Variants in RSPO4 observed in about 807,000 individuals in gnomAD.
RSPO4 encodes R-spondin 4.
A neutral mutation model predicts 24.8 loss-of-function variants in RSPO4; 23 were observed. The ratio of observed to expected loss-of-function variants is 0.93; its 90% confidence interval spans 0.67 to 1.31. RSPO4 has a LOEUF of 1.31. Among genes scored for constraint, RSPO4 ranks in the 40% most tolerant of loss-of-function variants. The probability of loss-of-function intolerance (pLI) is 0.00; values close to 1 mark genes in which losing one functional copy is unlikely to be tolerated. For missense variants in RSPO4, 333 were observed against 316.5 expected, an observed-to-expected ratio of 1.05 and a Z score of -0.39; for synonymous variants, 141 against 127.4, an observed-to-expected ratio of 1.11 and a Z score of -0.72.
At chr20:978,841 G>C (rs968130352) in intron 1 of RSPO4, among the ~76,000 whole-genome samples, 1 of 152,090 alleles carries the variant, frequency 6.6e-6, no homozygotes, top group African/African-American at 2.4e-5. Flanking sequence ...GTACTCATTT[G>C]GTAGAAAGGG....
In RSPO4 at chr20:982,815, G is replaced by A. The variant is rs7267846; in HGVS notation, c.80-14677C>T. Among the ~76,000 whole-genome samples, 866 of 152,332 alleles carry A rather than the reference G, an allele frequency of 5.7e-3. 10 individuals carry two copies. The highest frequency in any genetic ancestry group is 0.02 in the African/African-American group (833 of 41,568). ...CTGCTAATTCCCTCTCCCTCTTGTC[G>A]GGGGTTTATGATTCCTCAGGGCTCT... On this transcript the variant is annotated intron_variant, in intron 1 of 4. Coordinates refer to ENST00000217260, the MANE Select transcript of RSPO4 (RefSeq NM_001029871.4).
At chr20:990,715 T>C (rs975532453) in intron 1 of RSPO4, among the ~76,000 whole-genome samples, 32 of 152,172 alleles carry the variant, frequency 2.1e-4, no homozygotes, top group African/African-American at 7.5e-4. Flanking sequence ...ATTCTCCTTG[T>C]GGGGGATTTT....
intron 1 of RSPO4, among the ~76,000 whole-genome samples, chr20:994,995 T>C (rs937166066): frequency 1.3e-5 from 2 of 152,208 alleles, no homozygotes; most frequent in Non-Finnish European, 2.9e-5. Context: ...GCAGGCTGCC[T>C]TCCTCTACCA....
chr20:982,665 G>C (rs1256235662), intron 1 of RSPO4, among the ~76,000 whole-genome samples: 1 of 152,184 alleles, frequency 6.6e-6, no homozygotes, highest in Non-Finnish European at 1.5e-5. Context: ...TAGTGGGCTG[G>C]TCTGATGTGA....
intron 1 of RSPO4, among the ~76,000 whole-genome samples, chr20:1,001,704 C>A (rs1013079864): frequency 6.6e-6 from 1 of 152,134 alleles, no homozygotes; most frequent in African/African-American, 2.4e-5. Context: ...ACTTCCTGGC[C>A]GAGCATGGAT....
In RSPO4 at chr20:960,322, G is replaced by A. The variant is rs963122364; in HGVS notation, c.*35C>T. ...GAGCAGGAGGAGGTGTGCAGGGGCC[G>A]AGGACTAGGACCAGAGAGTCGGGAG... On this transcript the variant is annotated 3_prime_UTR_variant, in exon 5 of 5. Coordinates refer to ENST00000217260, the MANE Select transcript of RSPO4 (RefSeq NM_001029871.4). 13 of 1,422,692 alleles carry A rather than the reference G, an allele frequency of 9.1e-6. No homozygotes were observed. The highest frequency in any genetic ancestry group is 2.8e-5 in the African/African-American group (2 of 70,804). The allele number at this position is 1,422,692 out of a possible 1,614,324, so 88.1% of individuals were successfully genotyped here.
intron 3 of RSPO4, 27 bp from the exon 4 acceptor site, chr20:964,147 G>C (rs749523736): frequency 3.9e-5 from 62 of 1,584,724 alleles, no homozygotes; most frequent in Non-Finnish European, 5.2e-5. Flanking sequence ...GAGACAGACA[G>C]ACAGACAGAC....
At chr20:985,239 A>C (rs1984880793) in intron 1 of RSPO4, among the ~76,000 whole-genome samples, 2 of 133,402 alleles carry the variant, frequency 1.5e-5, no homozygotes, top group African/African-American at 3.2e-5. Flanking sequence ...CCATATATCC[A>C]TCCACTCACC....
chr20:982,812 G>T (rs1007991945), intron 1 of RSPO4, among the ~76,000 whole-genome samples: 1 of 152,250 alleles, frequency 6.6e-6, no homozygotes, highest in Non-Finnish European at 1.5e-5. Flanking sequence ...TCTCCCTCTT[G>T]TCGGGGGTTT....
rs567188213 is a variant in RSPO4, at chr20:976,010, C to T, written c.80-7872G>A. Among the ~76,000 whole-genome samples the T allele has an allele frequency of 2.2e-4, 33 of 152,216 alleles. No individual in the cohort carries two copies. The East Asian group carries it at 2.5e-3, about 12-fold the overall frequency. ...CTCAAGGGACTTAAAAATCTAAAGACGTGTAACAATGCAGGTTCCCAGGTT... is the reference window on the plus strand; with the variant it reads ...CTCAAGGGACTTAAAAATCTAAAGATGTGTAACAATGCAGGTTCCCAGGTT... On this transcript the variant is annotated intron_variant, in intron 1 of 4. Coordinates refer to ENST00000217260, the MANE Select transcript of RSPO4 (RefSeq NM_001029871.4).
intron 1 of RSPO4, among the ~76,000 whole-genome samples, chr20:976,681 G>A (rs1449648842): frequency 2.0e-5 from 3 of 152,040 alleles, no homozygotes; most frequent in Non-Finnish European, 4.4e-5. Context: ...AAAATGCAGG[G>A]TGACATCTGG....
intron 1 of RSPO4, among the ~76,000 whole-genome samples, chr20:993,610 G>A (rs1484111987): frequency 6.6e-6 from 1 of 152,190 alleles, no homozygotes; most frequent in Non-Finnish European, 1.5e-5. Flanking sequence ...GGGCTATAAT[G>A]TGGGTAGCCT....
At chr20:963,633 A>G (rs993659894) in intron 4 of RSPO4, among the ~76,000 whole-genome samples, 2 of 152,214 alleles carry the variant, frequency 1.3e-5, no homozygotes, top group Non-Finnish European at 2.9e-5. Flanking sequence ...CATGAACTTC[A>G]TTAAGAATGA....
At chr20:961,337 G>A (rs1463598209) in intron 4 of RSPO4, among the ~76,000 whole-genome samples, 2 of 152,224 alleles carry the variant, frequency 1.3e-5, no homozygotes, top group African/African-American at 4.8e-5. Context: ...ATTTGAACAC[G>A]ATGAACCTGA....
chr20:987,210 C>T (rs1984949549), intron 1 of RSPO4, among the ~76,000 whole-genome samples: 1 of 152,194 alleles, frequency 6.6e-6, no homozygotes, highest in African/African-American at 2.4e-5. Context: ...TAGTGCACAG[C>T]CTGGCCCCTG....
At position 960,303 on chromosome 20, in the gene RSPO4, G is replaced by C. The variant is rs1472703351; in HGVS notation, c.*54C>G. On this transcript the variant is annotated 3_prime_UTR_variant, in exon 5 of 5. Coordinates refer to ENST00000217260, the MANE Select transcript of RSPO4 (RefSeq NM_001029871.4). The stretch of plus-strand genomic sequence containing the variant: ...AAGAGGAGAGGAGGAGAAGGAGCAG[G>C]AGGAGGTGTGCAGGGGCCGAGGACT... The C allele has an allele frequency of 3.6e-6, 4 of 1,107,880 alleles. No homozygotes were observed. The African/African-American group carries it at 6.2e-5, about 17-fold the overall frequency. The allele number at this position is 1,107,880 out of a possible 1,614,324, so 68.6% of individuals were successfully genotyped here.
chr20:997,509 C>T (rs1043651136), intron 1 of RSPO4, among the ~76,000 whole-genome samples: 3 of 152,198 alleles, frequency 2.0e-5, no homozygotes, highest in Non-Finnish European at 4.4e-5. Context: ...TAAGACTCAG[C>T]GCCATTCCCT....
At chr20:1,000,169 T>A (rs1568936893) in intron 1 of RSPO4, among the ~76,000 whole-genome samples, 1 of 152,172 alleles carries the variant, frequency 6.6e-6, no homozygotes, top group Non-Finnish European at 1.5e-5. Flanking sequence ...ACACCTGGCC[T>A]AAACCAGCTC....
In RSPO4 at chr20:986,151, T is replaced by A. The variant is rs993164544; in HGVS notation, c.79+15935A>T. On this transcript the variant is annotated intron_variant, in intron 1 of 4. Coordinates refer to ENST00000217260, the MANE Select transcript of RSPO4 (RefSeq NM_001029871.4). ...AGGAAGCTAGGGTGATCTGAAGAGG[T>A]CAAGCTCGTGCTCCTTGCTCAGTAA... Among the ~76,000 whole-genome samples, 8 of 151,934 alleles carry A rather than the reference T, an allele frequency of 5.3e-5. No homozygotes were observed. The East Asian group carries it at 1.5e-3, about 29-fold the overall frequency.
Sources: gnomAD v4.1 joint callset for allele counts (sites outside exome capture counted in the v4.1 genomes callset) on GRCh38, gnomAD v4.1.1 for gene constraint, MANE v1.5 for transcripts, NCBI Gene and HGNC (gene_info 2026-07-23, HGNC 2026-07-21) for gene names.